Variants in COMMD10 observed in about 807,000 individuals in gnomAD.
The protein encoded by COMMD10 is COMM domain-containing protein 10.
A neutral mutation model predicts 28.9 loss-of-function variants in COMMD10; 33 were observed. The observed-to-expected ratio is 1.14, with a 90% CI of 0.87 to 1.53. COMMD10 has a LOEUF of 1.53. Among genes scored for constraint, COMMD10 ranks in the 40% most tolerant of loss-of-function variants. COMMD10 has a pLI of 0.00. For synonymous variants in COMMD10, 110 were observed against 81.7 expected, an observed-to-expected ratio of 1.35 and a Z score of -1.87; for missense variants, 310 against 233.4, an observed-to-expected ratio of 1.33 and a Z score of -2.14.
intron 5 of COMMD10, among the ~76,000 whole-genome samples, chr5:116,247,097 A>C (rs1400823236): frequency 6.6e-6 from 1 of 152,070 alleles, no homozygotes; most frequent in Non-Finnish European, 1.5e-5. Flanking sequence ...AATATCTAGT[A>C]TCTATACGGA....
intron 5 of COMMD10, among the ~76,000 whole-genome samples, chr5:116,150,545 T>C (rs1394556791): frequency 2.8e-5 from 4 of 143,734 alleles, no homozygotes; most frequent in Non-Finnish European, 6.0e-5. Context: ...AGCAGTGGTT[T>C]GTAGTTCTCC....
intron 5 of COMMD10, among the ~76,000 whole-genome samples, chr5:116,176,001 C>T (rs1032951000): frequency 6.6e-6 from 1 of 151,894 alleles, no homozygotes; most frequent in Non-Finnish European, 1.5e-5. Context: ...GAACTGTACT[C>T]AAAATGGTTA....
chr5:116,250,568 A>T (rs1750083572), intron 5 of COMMD10, among the ~76,000 whole-genome samples: 1 of 151,880 alleles, frequency 6.6e-6, no homozygotes, highest in African/African-American at 2.4e-5. Context: ...ATAGAGGCAT[A>T]TACATAAAGG....
intron 5 of COMMD10, among the ~76,000 whole-genome samples, chr5:116,176,269 G>A (rs4921070): frequency 0.18 from 27,161 of 152,026 alleles, 3,730 homozygotes; most frequent in African/African-American, 0.39. Context: ...GTGCCACCAC[G>A]CCTAGCTGAT....
chr5:116,245,732 A>G (rs1365527264), intron 5 of COMMD10, among the ~76,000 whole-genome samples: 1 of 152,178 alleles, frequency 6.6e-6, no homozygotes, highest in Non-Finnish European at 1.5e-5. Flanking sequence ...AGAGCTAAAG[A>G]CAAAAACCAC....
intron 5 of COMMD10, among the ~76,000 whole-genome samples, chr5:116,289,511 C>T (rs1313790865): frequency 2.0e-5 from 3 of 151,850 alleles, no homozygotes; most frequent in Non-Finnish European, 2.9e-5. Context: ...ATGCCTCTCA[C>T]CTCTGTTTTC....
intron 4 of COMMD10, among the ~76,000 whole-genome samples, chr5:116,120,973 A>G (rs1175746907): frequency 2.6e-5 from 4 of 151,702 alleles, no homozygotes; most frequent in Admixed American, 2.6e-4. Flanking sequence ...GTTTTTGTAT[A>G]GGCCTATATT....
intron 5 of COMMD10, among the ~76,000 whole-genome samples, chr5:116,161,577 T>A: frequency 6.6e-6 from 1 of 152,182 alleles, no homozygotes; most frequent in African/African-American, 2.4e-5. Context: ...ACATATTTTA[T>A]ATATTATATG....
At chr5:116,102,672 T>G (rs1019869837) in intron 4 of COMMD10, among the ~76,000 whole-genome samples, 1 of 152,210 alleles carries the variant, frequency 6.6e-6, no homozygotes, top group Admixed American at 6.5e-5. Flanking sequence ...ATAATAATTC[T>G]TTTTATTATT....
chr5:116,106,341 C>CG (rs879370687), intron 4 of COMMD10, among the ~76,000 whole-genome samples: 76 of 151,902 alleles, frequency 5.0e-4, no homozygotes, highest in Middle Eastern at 6.8e-3. Flanking sequence ...CAGTGTGGTC[C>CG]GACAGAGTGT....
intron 4 of COMMD10, among the ~76,000 whole-genome samples, chr5:116,106,980 A>T (rs1281934409): frequency 6.6e-6 from 1 of 152,152 alleles, no homozygotes; most frequent in East Asian, 1.9e-4. Context: ...CAGTCACATT[A>T]AAGATTAATA....
chr5:116,287,455 C>T (rs938788477), intron 5 of COMMD10, among the ~76,000 whole-genome samples: 2 of 151,646 alleles, frequency 1.3e-5, no homozygotes, highest in Non-Finnish European at 2.9e-5. Context: ...CACTTTCAGC[C>T]TATGTGTATT....
intron 4 of COMMD10, among the ~76,000 whole-genome samples, chr5:116,098,612 A>C (rs2136212): frequency 1.3e-5 from 2 of 152,118 alleles, no homozygotes; most frequent in African/African-American, 4.8e-5. Flanking sequence ...ATATGTGTAG[A>C]TTATATTTAA....
intron 5 of COMMD10, among the ~76,000 whole-genome samples, chr5:116,235,093 A>G (rs765576275): frequency 1.3e-5 from 2 of 152,206 alleles, no homozygotes; most frequent in African/African-American, 2.4e-5. Context: ...TGCCTTTTAT[A>G]TATATACTTT....
intron 5 of COMMD10, among the ~76,000 whole-genome samples, chr5:116,206,357 A>G (rs1022271067): frequency 2.6e-5 from 4 of 152,178 alleles, no homozygotes; most frequent in African/African-American, 9.7e-5. Flanking sequence ...AAGCATAGAC[A>G]TTGGAGACGG....
intron 5 of COMMD10, among the ~76,000 whole-genome samples, chr5:116,175,369 G>A (rs1474874797): frequency 6.6e-6 from 1 of 151,940 alleles, no homozygotes; most frequent in Admixed American, 6.6e-5. Flanking sequence ...TCACATAATG[G>A]GTGTTTATTA....
At chr5:116,110,847 G>T (rs1033772123) in intron 4 of COMMD10, among the ~76,000 whole-genome samples, 1 of 152,090 alleles carries the variant, frequency 6.6e-6, no homozygotes, top group Non-Finnish European at 1.5e-5. Flanking sequence ...GATCTCAAGA[G>T]AATTCACTAT....
chr5:116,175,444 G>C (rs574205600), intron 5 of COMMD10, among the ~76,000 whole-genome samples: 1 of 152,204 alleles, frequency 6.6e-6, no homozygotes, highest in Non-Finnish European at 1.5e-5. Context: ...ATGTAAAATT[G>C]TATAGCCACT....
At chr5:116,238,145 G>A (rs948548117) in intron 5 of COMMD10, among the ~76,000 whole-genome samples, 29 of 152,090 alleles carry the variant, frequency 1.9e-4, no homozygotes, top group African/African-American at 6.8e-4. Context: ...AATATGAAAG[G>A]CTACTTCCTG....
Sources: gnomAD v4.1 joint callset for allele counts (sites outside exome capture counted in the v4.1 genomes callset) on GRCh38, gnomAD v4.1.1 for gene constraint, MANE v1.5 for transcripts, NCBI Gene and HGNC (gene_info 2026-07-23, HGNC 2026-07-21) for gene names.